The following LRRC4C variants were observed in gnomAD, a reference collection of about 807,000 sequenced individuals.
LRRC4C encodes leucine rich repeat containing 4C, also known as leucine-rich repeat-containing protein 4C.
Under a neutral mutation model 33.6 loss-of-function variants are expected in LRRC4C, and 5 were observed. The ratio of observed to expected loss-of-function variants is 0.15; its 90% CI spans 0.08 to 0.31. LRRC4C has a LOEUF of 0.31. LRRC4C is among the 10% of genes least tolerant of loss of function. The pLI is 1.00. For missense variants in LRRC4C, 560 were observed against 796.7 expected, an observed-to-expected ratio of 0.70 and a Z score of 3.58; for synonymous variants, 329 against 302.0, an observed-to-expected ratio of 1.09 and a Z score of -0.93.
At chr11:40,694,915 G>A (rs753311321) in intron 2 of LRRC4C, among the ~76,000 whole-genome samples, 33 of 151,552 alleles carry the variant, frequency 2.2e-4, no homozygotes, top group Non-Finnish European at 3.1e-4. Context: ...TCTTCCTTCC[G>A]GTCTTCCATT....
chr11:40,374,377 C>G (rs1948579014), intron 3 of LRRC4C, among the ~76,000 whole-genome samples: 1 of 152,108 alleles, frequency 6.6e-6, no homozygotes, highest in South Asian at 2.1e-4. Context: ...TCTGAAGATA[C>G]AGAGATGCAT....
In LRRC4C at chr11:40,883,056, G is replaced by A. The variant is rs945111230; in HGVS notation, c.-407+50579C>T. Among the ~76,000 whole-genome samples, 5 of 152,156 alleles carry A rather than the reference G, an allele frequency of 3.3e-5. 1 individual carries two copies. In the South Asian group the frequency reaches 8.3e-4, roughly 25 times the overall value. On this transcript the variant is annotated intron_variant, in intron 2 of 6. Coordinates refer to ENST00000528697, the MANE Select transcript of LRRC4C (RefSeq NM_001258419.2). ...CTTTGGAACTAAAAGGCTACTTTTCGCATCTCCGTCTCAGTGTACATATCA... is the reference window on the plus strand; with the variant it reads ...CTTTGGAACTAAAAGGCTACTTTTCACATCTCCGTCTCAGTGTACATATCA...
intron 1 of LRRC4C, among the ~76,000 whole-genome samples, chr11:41,240,862 T>TA (rs1254630314): frequency 5.9e-5 from 9 of 151,756 alleles, no homozygotes; most frequent in South Asian, 2.1e-4. Context: ...GGTATTACAG[T>TA]AAAAAAAATA....
intron 1 of LRRC4C, among the ~76,000 whole-genome samples, chr11:41,375,728 G>A (rs963024965): frequency 2.0e-5 from 3 of 152,042 alleles, no homozygotes; most frequent in African/African-American, 7.2e-5. Context: ...TAGCTATCAT[G>A]GCAGAGAAGA....
chr11:41,358,256 T>C (rs933051160), intron 1 of LRRC4C, among the ~76,000 whole-genome samples: 10 of 152,018 alleles, frequency 6.6e-5, no homozygotes, highest in Non-Finnish European at 1.3e-4. Flanking sequence ...CTAATCACAA[T>C]GGATCACAAA....
intron 3 of LRRC4C, among the ~76,000 whole-genome samples, chr11:40,415,840 A>G (rs777797744): frequency 4.6e-5 from 7 of 152,204 alleles, no homozygotes; most frequent in Non-Finnish European, 8.8e-5. Context: ...CTATCAAGAA[A>G]GGAAATAAAA....
intron 6 of LRRC4C, among the ~76,000 whole-genome samples, chr11:40,127,729 G>A (rs944119621): frequency 2.6e-5 from 4 of 152,190 alleles, no homozygotes; most frequent in Non-Finnish European, 5.9e-5. Flanking sequence ...CTACTGAGAT[G>A]TGTATAGTTC....
intron 3 of LRRC4C, among the ~76,000 whole-genome samples, chr11:40,330,277 T>C (rs912153465): frequency 6.6e-6 from 1 of 152,156 alleles, no homozygotes; most frequent in Non-Finnish European, 1.5e-5. Context: ...TGAGGATGTT[T>C]CTGGGGAAAG....
At chr11:40,635,670 T>G (rs1222656297) in intron 3 of LRRC4C, among the ~76,000 whole-genome samples, 1 of 133,360 alleles carries the variant, frequency 7.5e-6, no homozygotes, top group Non-Finnish European at 1.5e-5. Flanking sequence ...GGAGTCTCGC[T>G]CTGTCGCCCA....
chr11:40,459,140 C>G (rs1952271187), intron 3 of LRRC4C, among the ~76,000 whole-genome samples: 1 of 152,162 alleles, frequency 6.6e-6, no homozygotes, highest in Non-Finnish European at 1.5e-5. Flanking sequence ...ATGACCTTCC[C>G]TCTTTCATAT....
intron 1 of LRRC4C, among the ~76,000 whole-genome samples, chr11:41,448,120 C>CTTTTTTTTTTTT (rs1211366298): frequency 4.2e-5 from 1 of 23,880 alleles, no homozygotes; most frequent in Non-Finnish European, 9.8e-5. Flanking sequence ...CTGCACACGT[C>CTTTTTTTTTTTT]TGTTTTTTTT....
At chr11:40,708,332 T>A (rs1269412841) in intron 2 of LRRC4C, among the ~76,000 whole-genome samples, 2 of 152,240 alleles carry the variant, frequency 1.3e-5, no homozygotes, top group Non-Finnish European at 2.9e-5. Flanking sequence ...TCTTTCCTGC[T>A]TTCTTTTGTG....
At chr11:40,362,046 A>T (rs1947979597) in intron 3 of LRRC4C, among the ~76,000 whole-genome samples, 1 of 152,206 alleles carries the variant, frequency 6.6e-6, no homozygotes, top group African/African-American at 2.4e-5. Context: ...GTGCTGAGAT[A>T]ACTGGCTAGC....
intron 2 of LRRC4C, among the ~76,000 whole-genome samples, chr11:40,725,130 G>A (rs1426529337): frequency 1.3e-5 from 2 of 152,160 alleles, no homozygotes; most frequent in African/African-American, 4.8e-5. Flanking sequence ...TGCCTCCCAA[G>A]GTTGGCAGAG....
At chr11:40,225,028 AGCAACT>A (rs1324246786) in intron 5 of LRRC4C, among the ~76,000 whole-genome samples, 1 of 152,212 alleles carries the variant, frequency 6.6e-6, no homozygotes, top group Non-Finnish European at 1.5e-5. Context: ...CTAAGACTAA[AGCAACT>A]GTAAAATATG....
At chr11:40,116,790 G>A (rs1306425268) in intron 6 of LRRC4C, among the ~76,000 whole-genome samples, 2 of 152,150 alleles carry the variant, frequency 1.3e-5, no homozygotes, top group African/African-American at 4.8e-5. Flanking sequence ...CAAGCACCAT[G>A]GGCTATACAC....
chr11:40,440,398 G>A (rs1018762503), intron 3 of LRRC4C, among the ~76,000 whole-genome samples: 4 of 149,610 alleles, frequency 2.7e-5, no homozygotes, highest in African/African-American at 9.9e-5. Context: ...TATTTAGGGA[G>A]AAATTACCAT....
At chr11:40,764,346 G>C (rs1260049028) in intron 2 of LRRC4C, among the ~76,000 whole-genome samples, 1 of 152,044 alleles carries the variant, frequency 6.6e-6, no homozygotes, top group East Asian at 2.0e-4. Flanking sequence ...GTAGGTCTAG[G>C]GTAGTGGTGT....
At chr11:41,039,547 T>C (rs1332728564) in intron 1 of LRRC4C, among the ~76,000 whole-genome samples, 1 of 152,148 alleles carries the variant, frequency 6.6e-6, no homozygotes, top group Non-Finnish European at 1.5e-5. Flanking sequence ...CTACCAGAAA[T>C]AGGCTATTAG....
Sources: gnomAD v4.1 joint callset for allele counts (sites outside exome capture counted in the v4.1 genomes callset) on GRCh38, gnomAD v4.1.1 for gene constraint, MANE v1.5 for transcripts, NCBI Gene and HGNC (gene_info 2026-07-23, HGNC 2026-07-21) for gene names.